The following THSD7B variants were observed in gnomAD, a reference collection of about 807,000 sequenced individuals.
THSD7B encodes the protein thrombospondin type-1 domain-containing protein 7B.
Under a neutral mutation model 213.6 loss-of-function variants are expected in THSD7B, and 138 were observed. That is an observed-to-expected ratio of 0.65 (90% CI 0.56 to 0.74). THSD7B has a LOEUF of 0.74. Ranked by LOEUF, THSD7B falls within the 30% of genes least tolerant of loss-of-function variation. THSD7B has a pLI of 0.00. For synonymous variants in THSD7B, 742 were observed against 687.0 expected (o/e 1.08, Z -1.25); for missense variants, 1,931 against 1,991.5 (o/e 0.97, Z 0.58).
At chr2:137,393,145 G>A (rs1267378447) in intron 12 of THSD7B, among the ~76,000 whole-genome samples, 1 of 134,772 alleles carries the variant, frequency 7.4e-6, no homozygotes, top group Non-Finnish European at 1.6e-5. Flanking sequence ...TTTTCTTCCA[G>A]CTTTTTTTTT....
At chr2:137,226,985 G>T (rs868697908) in intron 7 of THSD7B, among the ~76,000 whole-genome samples, 5 of 152,238 alleles carry the variant, frequency 3.3e-5, no homozygotes, top group Middle Eastern at 3.4e-3. Flanking sequence ...AGATGCAAAA[G>T]ATCACAAATA....
At chr2:137,409,676 T>C (rs1686604427) in intron 13 of THSD7B, among the ~76,000 whole-genome samples, 1 of 152,076 alleles carries the variant, frequency 6.6e-6, no homozygotes, top group Non-Finnish European at 1.5e-5. Flanking sequence ...GGGAACCCCA[T>C]CAGTTTAAGG....
At position 137,412,719 on chromosome 2, in the gene THSD7B, A is replaced by T. The variant is rs189088573; in HGVS notation, c.2959+847A>T. Among the ~76,000 whole-genome samples the T allele has an allele frequency of 6.6e-5, 10 of 151,632 alleles. No individual in the cohort carries two copies. In the East Asian group the frequency reaches 1.7e-3, roughly 26 times the overall value. On this transcript the variant is annotated intron_variant, in intron 14 of 27. Coordinates refer to ENST00000409968, the MANE Select transcript of THSD7B (RefSeq NM_001316349.2). ...AGACAATCTCAGAGAGTTTTGTCAG[A>T]TGTTAATCTGGGAAAATACTGTTTT... is the stretch of plus-strand genomic sequence containing the variant.
intron 25 of THSD7B, among the ~76,000 whole-genome samples, chr2:137,660,435 A>G (rs1366714374): frequency 6.6e-6 from 1 of 152,214 alleles, no homozygotes; most frequent in Non-Finnish European, 1.5e-5. Context: ...TTGATTAAAA[A>G]TAATTCAAGT....
intron 14 of THSD7B, among the ~76,000 whole-genome samples, chr2:137,412,616 A>C (rs1185571232): frequency 4.3e-5 from 6 of 141,094 alleles, no homozygotes; most frequent in East Asian, 2.0e-4. Flanking sequence ...AAAAACAAAA[A>C]AAAACAAAAA....
At chr2:137,337,536 G>GGAGAAATT (rs1684666427) in intron 12 of THSD7B, among the ~76,000 whole-genome samples, 1 of 152,046 alleles carries the variant, frequency 6.6e-6, no homozygotes, top group East Asian at 1.9e-4. Flanking sequence ...ACCGTTAAGT[G>GGAGAAATT]ACAAATTTTC....
At chr2:137,576,996 A>G (rs969782706) in intron 17 of THSD7B, among the ~76,000 whole-genome samples, 3 of 152,114 alleles carry the variant, frequency 2.0e-5, no homozygotes, top group African/African-American at 4.8e-5. Flanking sequence ...AACAGTCTTT[A>G]TCACGCAGAT....
At chr2:137,630,599 T>C (rs1312172922) in intron 20 of THSD7B, among the ~76,000 whole-genome samples, 1 of 152,164 alleles carries the variant, frequency 6.6e-6, no homozygotes, top group Non-Finnish European at 1.5e-5. Context: ...AGTAAATGAA[T>C]AGCAGTAATC....
At chr2:137,007,050 T>C (rs13391444) in intron 2 of THSD7B, among the ~76,000 whole-genome samples, 28,158 of 152,144 alleles carry the variant, frequency 0.19, 3,853 homozygotes, top group East Asian at 0.45. Flanking sequence ...ATTAGGGTCA[T>C]CTTAGTTTTG....
intron 1 of THSD7B, among the ~76,000 whole-genome samples, chr2:136,791,811 G>T (rs1681969813): frequency 6.6e-6 from 1 of 151,962 alleles, no homozygotes; most frequent in African/African-American, 2.4e-5. Flanking sequence ...ATATGTTTCT[G>T]CTCTTTTGGC....
chr2:137,235,928 A>G (rs921422180), intron 9 of THSD7B, among the ~76,000 whole-genome samples: 1 of 152,156 alleles, frequency 6.6e-6, no homozygotes, highest in African/African-American at 2.4e-5. Flanking sequence ...TCTCCAAATA[A>G]TCCTGTTAAA....
intron 14 of THSD7B, among the ~76,000 whole-genome samples, chr2:137,421,834 T>C (rs1686936653): frequency 6.6e-6 from 1 of 152,188 alleles, no homozygotes; most frequent in Admixed American, 6.5e-5. Context: ...CAAAAGATTG[T>C]ATCAAGGACT....
chr2:137,241,257 T>G (rs4954488), intron 9 of THSD7B, among the ~76,000 whole-genome samples: 2 of 152,282 alleles, frequency 1.3e-5, no homozygotes, highest in Admixed American at 1.3e-4. Context: ...ATGAAACTTA[T>G]GGGAAACAGA....
intron 2 of THSD7B, among the ~76,000 whole-genome samples, chr2:137,032,771 A>G (rs1400636892): frequency 6.6e-6 from 1 of 152,220 alleles, no homozygotes; most frequent in African/African-American, 2.4e-5. Flanking sequence ...GAGTCATTTA[A>G]TCATTTATAA....
chr2:136,915,040 A>C (rs1025477398), intron 2 of THSD7B, among the ~76,000 whole-genome samples: 1 of 152,208 alleles, frequency 6.6e-6, no homozygotes, highest in African/African-American at 2.4e-5. Context: ...TAGTCTGAAA[A>C]AACACAAACA....
chr2:136,777,543 G>C (rs1681634510), intron 1 of THSD7B, among the ~76,000 whole-genome samples: 1 of 152,080 alleles, frequency 6.6e-6, no homozygotes, highest in Non-Finnish European at 1.5e-5. Flanking sequence ...TATTTATTGT[G>C]GTGATTAAAA....
At chr2:136,816,026 A>G (rs1387590193) in intron 1 of THSD7B, among the ~76,000 whole-genome samples, 1 of 152,144 alleles carries the variant, frequency 6.6e-6, no homozygotes, top group Non-Finnish European at 1.5e-5. Flanking sequence ...CTGTGATCAC[A>G]TGTGTCAGTC....
intron 17 of THSD7B, among the ~76,000 whole-genome samples, chr2:137,581,595 G>T (rs1162721782): frequency 1.3e-5 from 2 of 151,620 alleles, no homozygotes; most frequent in African/African-American, 4.8e-5. Context: ...TCCAGCCTGG[G>T]CAACACAGAG....
At chr2:136,934,532 CA>C (rs1486687262) in intron 2 of THSD7B, among the ~76,000 whole-genome samples, 2 of 152,070 alleles carry the variant, frequency 1.3e-5, no homozygotes, top group African/African-American at 4.8e-5. Context: ...AAATTATTGG[CA>C]AATGAATCTG....
Sources: allele counts gnomAD v4.1 joint callset (sites outside exome capture counted in the v4.1 genomes callset), GRCh38; gene constraint gnomAD v4.1.1; transcripts MANE v1.5; gene names NCBI Gene and HGNC (gene_info 2026-07-23, HGNC 2026-07-21).